IGSF1: variants seen among roughly 807,000 people sequenced by gnomAD.
IGSF1 encodes immunoglobulin superfamily member 1, also known as immunoglobulin-like domain-containing protein 1.
A neutral mutation model predicts 95.3 loss-of-function variants in IGSF1; 40 were observed. That is an observed-to-expected ratio of 0.42 (90% CI 0.33 to 0.55). The LOEUF (loss-of-function observed/expected upper bound fraction) is 0.55, where lower values mean the gene tolerates loss of function less well. IGSF1 is among the 20% of genes least tolerant of loss of function. The pLI is 0.10. For synonymous variants in IGSF1, 372 were observed against 382.9 expected (o/e 0.97, Z 0.33); for missense variants, 906 against 1,025.4 (o/e 0.88, Z 1.59).
intron 15 of IGSF1, 45 bp from the exon 16 acceptor site, chrX:131,275,810 T>C (rs746263370): frequency 6.0e-6 from 7 of 1,174,484 alleles, no homozygotes; most frequent in East Asian, 6.0e-5. Flanking sequence ...TAGAAACTTA[T>C]GAGTTCCTGC....
At chrX:131,278,893 C>T (rs1037486262) in intron 11 of IGSF1, 142 bp from the exon 12 acceptor site, 1 of 621,446 alleles carries the variant, frequency 1.6e-6, no homozygotes, top group Non-Finnish European at 2.5e-6. Context: ...TCCTTCCTTC[C>T]TCAGGTGCTG....
upstream of IGSF1, chrX:131,289,445 CG>C (rs2080692931): frequency 2.9e-6 from 1 of 339,334 alleles, no homozygotes; most frequent in Non-Finnish European, 5.8e-6. Context: ...CCTCTGACGA[CG>C]GGGATTTCTA....
In IGSF1 at chrX:131,279,327, A is replaced by G; in HGVS notation, c.1661T>C (p.Leu554Pro). The G allele has an allele frequency of 1.7e-6, 2 of 1,209,586 alleles. No homozygotes were observed. Among genetic ancestry groups the G allele is most frequent in the Non-Finnish European group, 2.2e-6 (2 of 893,597 alleles). The part of the protein sequence containing the change: ...RRLRIREAWL[L>P]GTAQGVTMLF... ...CATGGTGACCCCTTGAGCTGTTCCC[A>G]GCAACCAGGCTTCTCTAGTGAGACC... is the stretch of plus-strand genomic sequence containing the variant. Residue 554 changes from leucine (L) to proline (P), a missense_variant, in exon 10 of 20, where the codon CTG becomes CCG. Leu to Pro is a moderately conservative substitution (Grantham distance 98). This residue lies in a region of IGSF1 where 442 missense variants were observed against 448.1 expected (regional missense o/e 0.99). Transcript: ENST00000361420.
chrX:131,281,954 A>G lies in IGSF1; in HGVS notation c.1247-10T>C. The G allele has an allele frequency of 1.7e-6, 2 of 1,194,982 alleles. No homozygotes were observed. Among genetic ancestry groups the G allele is most frequent in the Non-Finnish European group, 2.3e-6 (2 of 884,692 alleles). ...GGTTTGGGGGGCTTATCTGAAACCAATCCAGAGACCAGAGTGAGAAGTGAC... is the reference window on the plus strand; with the variant it reads ...GGTTTGGGGGGCTTATCTGAAACCAGTCCAGAGACCAGAGTGAGAAGTGAC... On this transcript the variant is annotated splice_polypyrimidine_tract_variant and intron_variant, in intron 7 of 19. Transcript: ENST00000361420.
rs1313920613 is a variant in IGSF1 at position 131,281,787 on chromosome X, G to A, written c.1404C>T (p.Asp468=). 4 of 1,209,492 alleles carry A rather than the reference G, an allele frequency of 3.3e-6. No individual in the cohort carries two copies. Among genetic ancestry groups the A allele is most frequent in the Non-Finnish European group, 4.5e-6 (4 of 894,817 alleles). ...ETFQKFSVNG[D]FIISNVDGKG... The stretch of plus-strand genomic sequence containing the variant: ...TCCCGTCAACATTACTGATGATGAA[G>A]TCTCCGTTTACTGAGAATTTTTGGA... The change falls in exon 8 of 20, where the codon GAC becomes GAT. Residue 468 remains aspartate (D), a synonymous_variant. Transcript: ENST00000361420.
intron 7 of IGSF1, 146 bp from the exon 8 acceptor site, chrX:131,282,090 G>C: frequency 1.9e-6 from 1 of 531,010 alleles, no homozygotes; most frequent in Non-Finnish European, 3.0e-6. Context: ...CTGTGCATTA[G>C]AATTCCTTTG....
intron 11 of IGSF1, 110 bp downstream of exon 11, chrX:131,279,032 TG>T: frequency 1.2e-6 from 1 of 863,815 alleles, no homozygotes; most frequent in Non-Finnish European, 1.7e-6. Context: ...TGCCCCTTCC[TG>T]GCTGCCCTTC....
At chrX:131,278,383 T>C in intron 12 of IGSF1, 78 bp downstream of exon 12, 1 of 951,493 alleles carries the variant, frequency 1.1e-6, no homozygotes. Flanking sequence ...TGTGAGTTCA[T>C]TCCCTCACTC....
chrX:131,282,879 A>G, intron 6 of IGSF1, 101 bp downstream of exon 6: 1 of 939,708 alleles, frequency 1.1e-6, no homozygotes, highest in Non-Finnish European at 1.5e-6. Flanking sequence ...TCCCTTCTCT[A>G]CTGTTAACCC....
chrX:131,277,535 A>G (rs1020635708), intron 13 of IGSF1: 2 of 372,978 alleles, frequency 5.4e-6, no homozygotes, highest in Admixed American at 1.0e-4. Context: ...CAGTTTGCCC[A>G]TTTGGACAAG....
In IGSF1 at chrX:131,281,291, G is replaced by C; in HGVS notation, c.1573C>G (p.Leu525Val). 1 of 1,210,530 alleles carries C rather than the reference G, an allele frequency of 8.3e-7. No individual in the cohort carries two copies. Among genetic ancestry groups the C allele is most frequent in the East Asian group, 3.0e-5 (1 of 33,817 alleles). ...YVLNEAIRLS[L>V]IMQLVALLLV... ...AGCAAGGCAACAAGCTGCATGATTA[G>C]AGACAACCTGATAGCTTCATTCAGA... is the stretch of plus-strand genomic sequence containing the variant. Residue 525 changes from leucine to valine, a missense_variant, in exon 9 of 20, where the codon CTA becomes GTA. Leu to Val is a conservative substitution (Grantham distance 32). This residue lies in a region of IGSF1 where 442 missense variants were observed against 448.1 expected (regional missense o/e 0.99). Transcript: ENST00000361420.
chrX:131,274,588 T>A lies in IGSF1; in HGVS notation c.3751+11A>T. On this transcript the variant is annotated intron_variant, in intron 18 of 19. Transcript: ENST00000361420. ...TGTCACACCAGGACCATGGAGAGAT[T>A]ATTCTCTTACCTGCTGCCCCCACCA... 8.3e-7 allele frequency: 1 copy of A among 1,206,205 alleles called. No individual in the cohort carries two copies. The highest frequency in any genetic ancestry group is 1.8e-5 in the South Asian group (1 of 55,835).
In IGSF1 at chrX:131,286,412, G is replaced by A. The variant is rs141565222; in HGVS notation, c.97+25C>T. The A allele has an allele frequency of 7.1e-3, 8,188 of 1,161,296 alleles. 204 individuals carry two copies. The East Asian group carries it at 0.087, about 12-fold the overall frequency. On this transcript the variant is annotated intron_variant, in intron 3 of 19. Coordinates refer to ENST00000361420, the MANE Select transcript of IGSF1 (RefSeq NM_001555.5). ...ATCTTGGATCCTTTAGGAAGGAGGTGCCTGAGAGGGCAGGACTCACTTACC... is the reference window on the plus strand; with the variant it reads ...ATCTTGGATCCTTTAGGAAGGAGGTACCTGAGAGGGCAGGACTCACTTACC...
Position 131,282,670 on chromosome X carries a change from G to T in IGSF1, c.1020C>A (p.Ser340Arg). The T allele has an allele frequency of 8.3e-7, 1 of 1,210,501 alleles. No individual in the cohort carries two copies. The highest frequency in any genetic ancestry group is 1.1e-6 in the Non-Finnish European group (1 of 894,372). ...CATCCACTGGTCCTCGACACCGTAG[G>T]CTCACATTCTGACCCATTTGGACCA... ...SAVVQMGQNVSLRCRGPVDGV... is the reference protein window; with the variant it reads ...SAVVQMGQNVRLRCRGPVDGV... The change falls in exon 7 of 20, where the codon AGC (serine) becomes AGA (arginine). Residue 340 changes from serine to arginine, a missense_variant. This residue lies in a region of IGSF1 where 442 missense variants were observed against 448.1 expected (regional missense o/e 0.99). Coordinates refer to ENST00000361420, the MANE Select transcript of IGSF1 (RefSeq NM_001555.5).
At chrX:131,283,955 T>A (rs1906687427) in intron 5 of IGSF1, among the ~76,000 whole-genome samples, 1 of 111,740 alleles carries the variant, frequency 8.9e-6, no homozygotes, top group African/African-American at 3.3e-5. Flanking sequence ...GTCATGTAGG[T>A]CTAGGTGTGT....
chrX:131,281,416 T>A, intron 8 of IGSF1, 78 bp from the exon 9 acceptor site: 1 of 1,113,579 alleles, frequency 9.0e-7, no homozygotes, highest in East Asian at 3.0e-5. Flanking sequence ...GTGAGGACAA[T>A]CTGGTTACTG....
Position 131,285,201 on chromosome X carries a change from G to C in IGSF1, c.645C>G (p.Asn215Lys). 2 of 1,196,782 alleles carry C rather than the reference G, an allele frequency of 1.7e-6. No homozygotes were observed. The highest frequency in any genetic ancestry group is 2.3e-6 in the Non-Finnish European group (2 of 886,992). The change falls in exon 5 of 20, where the codon AAC (asparagine) becomes AAG (lysine). Residue 215 changes from asparagine (N) to lysine (K), a missense_variant. By Grantham distance (94) the Asn-to-Lys change is moderately conservative. This residue lies in a region of IGSF1 where 442 missense variants were observed against 448.1 expected (regional missense o/e 0.99). Transcript: ENST00000361420. ...CACCTGCTACAACCAGCTTCAGGGG[G>C]TTGCTGGGCTCTGACCACAGGGTGG... is the stretch of plus-strand genomic sequence containing the variant. ...MLPTLWSEPS[N>K]PLKLVVAGLY...
intron 7 of IGSF1, 121 bp downstream of exon 7, chrX:131,282,321 GTA>G: frequency 1.9e-6 from 1 of 527,536 alleles, no homozygotes; most frequent in Non-Finnish European, 3.2e-6. Context: ...GTGTGTGTGT[GTA>G]TGTGTGTGTG....
chrX:131,279,099 A>T (rs2080517344), intron 11 of IGSF1, 44 bp downstream of exon 11: 1 of 1,136,353 alleles, frequency 8.8e-7, no homozygotes, highest in Non-Finnish European at 1.2e-6. Context: ...GTTATTTCGG[A>T]TCTCCAGGGA....
Sources: gnomAD v4.1 joint callset for allele counts (sites outside exome capture counted in the v4.1 genomes callset) on GRCh38, gnomAD v4.1.1 for gene constraint, gnomAD v4.1.1 regional missense constraint, MANE v1.5 for transcripts, NCBI Gene and HGNC (gene_info 2026-07-23, HGNC 2026-07-21) for gene names.